RPGRIP1L: variants seen among roughly 807,000 people sequenced by gnomAD.
RPGRIP1L encodes protein fantom.
A neutral mutation model predicts 160.4 loss-of-function variants in RPGRIP1L; 131 were observed. That is an observed-to-expected ratio of 0.82 (90% confidence interval 0.71 to 0.94). RPGRIP1L has a LOEUF of 0.94. Among genes scored for constraint, RPGRIP1L ranks in the 40% least tolerant of loss-of-function variants. The pLI, the probability that RPGRIP1L is intolerant of heterozygous loss-of-function variation, is 0.00. For synonymous variants in RPGRIP1L, 510 were observed against 515.8 expected (o/e 0.99, Z 0.15); for missense variants, 1,522 against 1,535.8 (o/e 0.99, Z 0.15).
At chr16:53,685,679 G>A (rs1280868170) in intron 6 of RPGRIP1L, among the ~76,000 whole-genome samples, 1 of 152,014 alleles carries the variant, frequency 6.6e-6, no homozygotes, top group African/African-American at 2.4e-5. Context: ...CATAGGGTGG[G>A]GGGAACAACA....
chr16:53,671,271 G>A (rs1033124684), intron 9 of RPGRIP1L, among the ~76,000 whole-genome samples: 2 of 152,062 alleles, frequency 1.3e-5, no homozygotes, highest in African/African-American at 4.8e-5. Context: ...ATAAATGATA[G>A]CAGTTTACTG....
intron 7 of RPGRIP1L, among the ~76,000 whole-genome samples, chr16:53,674,447 A>G (rs1048229441): frequency 6.6e-6 from 1 of 152,178 alleles, no homozygotes; most frequent in Non-Finnish European, 1.5e-5. Context: ...AACCATGGGC[A>G]TAAAGAATCC....
intron 10 of RPGRIP1L, among the ~76,000 whole-genome samples, chr16:53,661,403 G>A (rs374407145): frequency 9.9e-5 from 15 of 151,956 alleles, no homozygotes; most frequent in Admixed American, 2.6e-4. Flanking sequence ...TAATAAATAT[G>A]GATTTATATG....
intron 2 of RPGRIP1L, among the ~76,000 whole-genome samples, chr16:53,698,883 A>G (rs1459273365): frequency 6.6e-6 from 1 of 152,044 alleles, no homozygotes; most frequent in Non-Finnish European, 1.5e-5. Flanking sequence ...CCCGTCTGGG[A>G]GGTGTGCCCA....
intron 22 of RPGRIP1L, among the ~76,000 whole-genome samples, chr16:53,629,921 G>C (rs1486811151): frequency 1.3e-5 from 2 of 152,220 alleles, no homozygotes; most frequent in African/African-American, 4.8e-5. Flanking sequence ...TCCTGCCCTA[G>C]AGATATTCAC....
intron 15 of RPGRIP1L, among the ~76,000 whole-genome samples, chr16:53,651,770 G>A (rs1481089838): frequency 4.6e-5 from 7 of 151,988 alleles, no homozygotes; most frequent in Non-Finnish European, 1.0e-4. Context: ...TAAGCTACAG[G>A]GGGTAGTTTT....
In RPGRIP1L at chr16:53,640,630, G is replaced by A. The variant is rs117989601; in HGVS notation, c.2958+403C>T. 3.4e-3 allele frequency among the ~76,000 whole-genome samples: 513 copies of A among 152,232 alleles called. 2 individuals are homozygous for A. Among genetic ancestry groups the A allele is most frequent in the Non-Finnish European group, 5.1e-3 (345 of 68,010 alleles). Reference sequence around the variant, plus strand: ...CAAATGCTCCTGGGAGATGAAGACAGGCACTGAGAATTGACTACTGTATAT... The same window carrying A: ...CAAATGCTCCTGGGAGATGAAGACAAGCACTGAGAATTGACTACTGTATAT... On this transcript the variant is annotated intron_variant, in intron 19 of 26. Transcript: ENST00000647211.
At chr16:53,613,608 T>G (rs926322894) in intron 24 of RPGRIP1L, among the ~76,000 whole-genome samples, 1 of 152,200 alleles carries the variant, frequency 6.6e-6, no homozygotes, top group East Asian at 1.9e-4. Flanking sequence ...TAAGCCACCA[T>G]GACTGGCCCA....
Position 53,622,354 on chromosome 16 carries a change from ACT to A in RPGRIP1L, c.3295_3296del (p.Leu1100ArgfsTer10), listed in dbSNP as rs755663301. 3.3e-6 allele frequency: 2 copies of A among 598,174 alleles called. No individual in the cohort carries two copies. 37.1% of individuals were successfully genotyped at this position (598,174 alleles called of 1,614,324 possible). On this transcript the variant is annotated frameshift_variant and splice_region_variant, in exon 23 of 27. Transcript: ENST00000647211. LOFTEE classifies it high-confidence loss of function. Reference sequence around the variant, plus strand: ...ACCCCAGCCCGGGAGACAATGCGAGACTCTGTCTCAAAAAAAAAAAAAAAATC... The same window carrying A: ...ACCCCAGCCCGGGAGACAATGCGAGACTGTCTCAAAAAAAAAAAAAAAATC... ...PGPISKNIKQ[S>X]LALSPGLGCS...
chr16:53,691,711 G>A (rs1598410139), intron 4 of RPGRIP1L, among the ~76,000 whole-genome samples: 2 of 152,208 alleles, frequency 1.3e-5, no homozygotes, highest in African/African-American at 4.8e-5. Flanking sequence ...GAACTTAAAT[G>A]TGATCATTCA....
Position 53,610,625 on chromosome 16 carries a change from A to T in RPGRIP1L, c.3701+342T>A, listed in dbSNP as rs912702151. ...TCAGCTAGTAAGCAATAAGACAAGA[A>T]TTTATACCCAAGGCATGTGACTCCA... On this transcript the variant is annotated intron_variant, in intron 25 of 26. Coordinates refer to ENST00000647211, the MANE Select transcript of RPGRIP1L (RefSeq NM_015272.5). Among the ~76,000 whole-genome samples the T allele has an allele frequency of 5.3e-5, 8 of 152,202 alleles. No homozygotes were observed. The East Asian group carries it at 1.5e-3, about 29-fold the overall frequency.
intron 15 of RPGRIP1L, among the ~76,000 whole-genome samples, chr16:53,651,530 C>T (rs1966853392): frequency 1.3e-5 from 2 of 152,180 alleles, no homozygotes; most frequent in African/African-American, 4.8e-5. Context: ...CCCTTTGCTG[C>T]AGGCACTGGG....
intron 19 of RPGRIP1L, among the ~76,000 whole-genome samples, chr16:53,639,857 T>C (rs762739681): frequency 6.6e-6 from 1 of 152,196 alleles, no homozygotes; most frequent in South Asian, 2.1e-4. Context: ...ATCACATACA[T>C]ATTAAATGCT....
chr16:53,610,286 A>G (rs1053912924), intron 25 of RPGRIP1L, among the ~76,000 whole-genome samples: 1 of 152,142 alleles, frequency 6.6e-6, no homozygotes, highest in Non-Finnish European at 1.5e-5. Flanking sequence ...CCAGAATTGC[A>G]AGGTATCCTA....
At chr16:53,700,264 G>T (rs772713901) in intron 2 of RPGRIP1L, among the ~76,000 whole-genome samples, 2 of 152,102 alleles carry the variant, frequency 1.3e-5, no homozygotes, top group Admixed American at 1.3e-4. Flanking sequence ...CTTAAAATAC[G>T]GCCTTTCCTC....
Position 53,657,515 on chromosome 16 carries a change from G to A in RPGRIP1L, c.1519C>T (p.Gln507Ter). 1.9e-6 allele frequency: 3 copies of A among 1,612,772 alleles called. No individual in the cohort carries two copies. Among genetic ancestry groups the A allele is most frequent in the Non-Finnish European group, 2.5e-6 (3 of 1,179,308 alleles). ...ATGTTTCTTGTCTTTTCCAGCTCTT[G>A]CACCGTTTCTGCATGAGTTGCTTGC... ...ELQATHAETV[Q>*]ELEKTRNMLI... Residue 507 changes from glutamine to a stop codon, truncating the protein, a stop_gained, in exon 13 of 27, where the codon CAA (glutamine) becomes TAA (stop). Coordinates refer to ENST00000647211, the MANE Select transcript of RPGRIP1L (RefSeq NM_015272.5). LOFTEE classifies it high-confidence loss of function.
rs766197081 is a variant in RPGRIP1L at position 53,652,609 on chromosome 16, A to G, written c.2078T>C (p.Ile693Thr). ...HQAYSTEYET[I>T]AACQLKFHEI... ...GTGAAATTTTAATTGACATGCTGCAATTGTTTCATATTCTGTGCTATAAGC... is the reference window on the plus strand; with the variant it reads ...GTGAAATTTTAATTGACATGCTGCAGTTGTTTCATATTCTGTGCTATAAGC... The change falls in exon 15 of 27, where the codon ATT becomes ACT. Residue 693 changes from isoleucine to threonine, a missense_variant. Ile to Thr is a moderately conservative substitution (Grantham distance 89, BLOSUM62 -1). Coordinates refer to ENST00000647211, the MANE Select transcript of RPGRIP1L (RefSeq NM_015272.5). 3 of 1,614,116 alleles carry G rather than the reference A, an allele frequency of 1.9e-6. No individual in the cohort carries two copies. Among genetic ancestry groups the G allele is most frequent in the Admixed American group, 3.3e-5 (2 of 60,008 alleles).
At position 53,692,997 on chromosome 16, in the gene RPGRIP1L, T is replaced by G. The variant is rs76842614; in HGVS notation, c.231-633A>C. ...TATCATTTTAATGCTATCTTTAAAT[T>G]TGGACATAAATTGTGCTTTTGACAT... On this transcript the variant is annotated intron_variant, in intron 3 of 26. Coordinates refer to ENST00000647211, the MANE Select transcript of RPGRIP1L (RefSeq NM_015272.5). 8.9e-4 allele frequency among the ~76,000 whole-genome samples: 136 copies of G among 152,354 alleles called. 2 individuals are homozygous for G. The East Asian group carries it at 0.025, about 28-fold the overall frequency.
Position 53,686,419 on chromosome 16 carries a change from C to T in RPGRIP1L, c.776+14G>A. On this transcript the variant is annotated intron_variant, in intron 6 of 26. Coordinates refer to ENST00000647211, the MANE Select transcript of RPGRIP1L (RefSeq NM_015272.5). The stretch of plus-strand genomic sequence containing the variant: ...TTTTGACCTTATCAAAGTGATATTT[C>T]TGTTTTAACATACCTTTGATCTGTA... 3 of 1,611,278 alleles carry T rather than the reference C, an allele frequency of 1.9e-6. No individual in the cohort carries two copies. The highest frequency in any genetic ancestry group is 8.5e-7 in the Non-Finnish European group (1 of 1,178,792).
Sources: gnomAD v4.1 joint callset for allele counts (sites outside exome capture counted in the v4.1 genomes callset) on GRCh38, gnomAD v4.1.1 for gene constraint, MANE v1.5 for transcripts, NCBI Gene and HGNC (gene_info 2026-07-23, HGNC 2026-07-21) for gene names.